The following NUP205 variants were observed in gnomAD, a reference collection of about 807,000 sequenced individuals.
The protein encoded by NUP205 is nucleoporin 205.
A neutral mutation model predicts 253.8 loss-of-function variants in NUP205; 76 were observed. The observed-to-expected ratio is 0.30, with a 90% CI of 0.25 to 0.36. NUP205 has a LOEUF of 0.36. Among genes scored for constraint, NUP205 ranks in the 10% least tolerant of loss-of-function variants. NUP205 has a pLI of 1.00. For missense variants in NUP205, 2,162 were observed against 2,425.5 expected, an observed-to-expected ratio of 0.89 and a Z score of 2.28; for synonymous variants, 832 against 850.1, an observed-to-expected ratio of 0.98 and a Z score of 0.37.
intron 7 of NUP205, among the ~76,000 whole-genome samples, chr7:135,581,157 G>A (rs1806293129): frequency 6.6e-6 from 1 of 152,128 alleles, no homozygotes. Context: ...ATCCAGACAA[G>A]TTTTAACGAA....
chr7:135,626,295 CA>C lies in NUP205; in HGVS notation c.4728del (p.Val1578Ter). ...CAGGGTGCATTAGAGCTGCTAAGAT[CA>C]GGGGTGATTGTGAGACTAGCTCAAT... is the stretch of plus-strand genomic sequence containing the variant. Reference protein sequence around the residue: ...IQQGALELLRSGVIVRLAQCQ... With the variant: ...IQQGALELLRXGVIVRLAQCQ... On this transcript the variant is annotated frameshift_variant, in exon 33 of 43. Transcript: ENST00000285968. LOFTEE classifies it high-confidence loss of function. The C allele has an allele frequency of 6.2e-7, 1 of 1,614,080 alleles. No homozygotes were observed. The highest frequency in any genetic ancestry group is 8.5e-7 in the Non-Finnish European group (1 of 1,179,974).
In NUP205 at chr7:135,643,291, A is replaced by G. The variant is rs1382530475; in HGVS notation, c.5492A>G (p.Asp1831Gly). ...QSANDFFSYY[D>G]SHRQSVSKLQ... ...GCTAATGATTTCTTCAGCTATTATG[A>G]CAGTCATCGACAGAGTGTCAGCAAG... Residue 1831 changes from aspartate (D) to glycine (G), a missense_variant, in exon 39 of 43, where the codon GAC becomes GGC. Transcript: ENST00000285968. 2 of 1,614,074 alleles carry G rather than the reference A, an allele frequency of 1.2e-6. No homozygotes were observed. Among genetic ancestry groups the G allele is most frequent in the Admixed American group, 1.7e-5 (1 of 60,000 alleles).
At chr7:135,582,542 G>A (rs564828639) in intron 7 of NUP205, among the ~76,000 whole-genome samples, 9 of 152,266 alleles carry the variant, frequency 5.9e-5, no homozygotes, top group African/African-American at 1.9e-4. Context: ...CTGGAGTGCA[G>A]TGGTGTGACC....
chr7:135,645,857 T>C, intron 41 of NUP205: 1 of 576,302 alleles, frequency 1.7e-6, no homozygotes, highest in Admixed American at 3.1e-5. Flanking sequence ...GATCCAGCTC[T>C]AGAAGAATGG....
chr7:135,618,344 T>G (rs1043959057), intron 27 of NUP205, 68 bp from the exon 28 acceptor site: 18 of 1,314,632 alleles, frequency 1.4e-5, no homozygotes, highest in Non-Finnish European at 1.9e-5. Context: ...AAATATTTTC[T>G]GAGTAACTGA....
chr7:135,626,119 G>T (rs963451077), intron 32 of NUP205, 121 bp from the exon 33 acceptor site: 17 of 1,200,392 alleles, frequency 1.4e-5, no homozygotes, highest in Middle Eastern at 2.2e-4. Flanking sequence ...CCTGTCACTA[G>T]CCCAGATTTC....
intron 39 of NUP205, 131 bp from the exon 40 acceptor site, chr7:135,644,762 ACT>A (rs1284879566): frequency 4.8e-6 from 4 of 825,298 alleles, no homozygotes; most frequent in Non-Finnish European, 1.8e-6. Flanking sequence ...TTAGATAAAA[ACT>A]CTTATCTGCA....
chr7:135,646,287 G>C, intron 42 of NUP205, 56 bp downstream of exon 42: 1 of 1,232,034 alleles, frequency 8.1e-7, no homozygotes, highest in South Asian at 1.2e-5. Context: ...AAAGGGCTGG[G>C]TGTGATGGTA....
chr7:135,621,717 T>TA (rs921362359), intron 30 of NUP205, among the ~76,000 whole-genome samples: 2 of 151,976 alleles, frequency 1.3e-5, no homozygotes, highest in Admixed American at 6.6e-5. Context: ...GTATTTCAAC[T>TA]AAAAAAAAGA....
intron 1 of NUP205, among the ~76,000 whole-genome samples, chr7:135,559,044 G>A (rs1451376206): frequency 1.3e-5 from 2 of 152,058 alleles, no homozygotes; most frequent in Non-Finnish European, 2.9e-5. Context: ...ACTTATTATC[G>A]TGCTTATCTC....
In NUP205 at chr7:135,597,701, A is replaced by C. The variant is rs1793875321; in HGVS notation, c.2064+283A>C. 8 of 451,100 alleles carry C rather than the reference A, an allele frequency of 1.8e-5. No individual in the cohort carries two copies. The South Asian group carries it at 3.5e-4, about 20-fold the overall frequency. 27.9% of individuals were successfully genotyped at this position (451,100 alleles called of 1,614,324 possible). A position where few individuals can be genotyped will look rare whatever the true frequency, so the allele number is the denominator to read the frequency against. Reference sequence around the variant, plus strand: ...ATTAGATTACTTGAGTCAACCTGAAATGAGAGTTAATTATTTTCTTTTCTC... The same window carrying C: ...ATTAGATTACTTGAGTCAACCTGAACTGAGAGTTAATTATTTTCTTTTCTC... On this transcript the variant is annotated intron_variant, in intron 14 of 42. Coordinates refer to ENST00000285968, the MANE Select transcript of NUP205 (RefSeq NM_015135.3).
At chr7:135,616,094 TG>T (rs759234057) in intron 24 of NUP205, 29 bp downstream of exon 24, 13 of 1,592,636 alleles carry the variant, frequency 8.2e-6, no homozygotes, top group Non-Finnish European at 1.1e-5. Context: ...TTTATTGTGC[TG>T]GTGACTAGTT....
At chr7:135,617,299 A>G in intron 26 of NUP205, 52 bp downstream of exon 26, 1 of 1,509,652 alleles carries the variant, frequency 6.6e-7, no homozygotes, top group Non-Finnish European at 9.1e-7. Context: ...CTCAGACTTT[A>G]AGTCATCAGA....
chr7:135,624,113 AT>A (rs1279332323), intron 31 of NUP205, among the ~76,000 whole-genome samples: 1 of 152,174 alleles, frequency 6.6e-6, no homozygotes, highest in East Asian at 1.9e-4. Context: ...AAATTTTAAA[AT>A]ATTTGTATGC....
chr7:135,583,878 G>C (rs1806383426), intron 7 of NUP205, among the ~76,000 whole-genome samples: 1 of 140,540 alleles, frequency 7.1e-6, no homozygotes, highest in Non-Finnish European at 1.5e-5. Context: ...AGTTTTGCTC[G>C]TTTTCCAGGC....
At chr7:135,640,132 A>G (rs973478769) in intron 38 of NUP205, among the ~76,000 whole-genome samples, 1 of 152,230 alleles carries the variant, frequency 6.6e-6, no homozygotes, top group Admixed American at 6.5e-5. Context: ...CCTAGATGAC[A>G]GGTTGATAGG....
intron 31 of NUP205, 135 bp downstream of exon 31, chr7:135,623,060 T>C: frequency 1.2e-6 from 1 of 804,092 alleles, no homozygotes; most frequent in Non-Finnish European, 1.9e-6. Flanking sequence ...GGTGGATTTC[T>C]TGAGTATAGG....
At chr7:135,570,016 T>C (rs1805898266) in intron 1 of NUP205, among the ~76,000 whole-genome samples, 1 of 137,868 alleles carries the variant, frequency 7.3e-6, no homozygotes, top group South Asian at 2.3e-4. Flanking sequence ...TTGAAGCAGA[T>C]GGTGTTTATG....
At position 135,592,983 on chromosome 7, in the gene NUP205, A is replaced by G. The variant is rs778134862; in HGVS notation, c.1625-4A>G. The G allele has an allele frequency of 1.9e-6, 3 of 1,600,022 alleles. No homozygotes were observed. Among genetic ancestry groups the G allele is most frequent in the African/African-American group, 1.3e-5 (1 of 74,698 alleles). On this transcript the variant is annotated splice_polypyrimidine_tract_variant and splice_region_variant and intron_variant, in intron 11 of 42. Coordinates refer to ENST00000285968, the MANE Select transcript of NUP205 (RefSeq NM_015135.3). The stretch of plus-strand genomic sequence containing the variant: ...ATAAAATTCTGTGCTGTTTTTCTTT[A>G]TAGTTGAAAATATTCAGGGAGCAGG...
Sources: allele counts gnomAD v4.1 joint callset (sites outside exome capture counted in the v4.1 genomes callset), GRCh38; gene constraint gnomAD v4.1.1; transcripts MANE v1.5; gene names NCBI Gene and HGNC (gene_info 2026-07-23, HGNC 2026-07-21).